The following GPR183 variants were observed in gnomAD, a reference collection of about 807,000 sequenced individuals.
GPR183 encodes the protein G protein-coupled receptor 183.
Under a neutral mutation model 19.7 loss-of-function variants are expected in GPR183, and 9 were observed. That is an observed-to-expected ratio of 0.46 (90% CI 0.28 to 0.80). GPR183 has a LOEUF of 0.80. Ranked by LOEUF, GPR183 falls within the 30% of genes least tolerant of loss-of-function variation. GPR183 has a pLI of 0.13. For missense variants in GPR183, 368 were observed against 446.7 expected, an observed-to-expected ratio of 0.82 and a Z score of 1.59; for synonymous variants, 160 against 155.1, an observed-to-expected ratio of 1.03 and a Z score of -0.24.
chr13:99,296,096 T>G lies in GPR183; in HGVS notation c.50A>C (p.Gln17Pro). Reference sequence around the variant, plus strand: ...TGCATAGAGGTCACAGTCATTTCCCTGAGGAGTTGCAGAGGGCGGAGTAAA... The same window carrying G: ...TGCATAGAGGTCACAGTCATTTCCCGGAGGAGTTGCAGAGGGCGGAGTAAA... ...NNFTPPSATP[Q>P]GNDCDLYAHH... Residue 17 changes from glutamine to proline, a missense_variant, in exon 2 of 2, where the codon CAG becomes CCG. By Grantham distance (76) the Gln-to-Pro change is moderately conservative (BLOSUM62 -1). Transcript: ENST00000376414. 2 of 1,612,516 alleles carry G rather than the reference T, an allele frequency of 1.2e-6. No individual in the cohort carries two copies. The highest frequency in any genetic ancestry group is 1.7e-6 in the Non-Finnish European group (2 of 1,179,010).
chr13:99,301,586 AT>A (rs997171573), intron 1 of GPR183, among the ~76,000 whole-genome samples: 1 of 152,046 alleles, frequency 6.6e-6, no homozygotes, highest in African/African-American at 2.4e-5. Flanking sequence ...TTATCATCTC[AT>A]TTTTGCATAA....
intron 1 of GPR183, among the ~76,000 whole-genome samples, chr13:99,302,793 T>C (rs1027429962): frequency 2.0e-5 from 3 of 152,192 alleles, no homozygotes; most frequent in Admixed American, 1.3e-4. Context: ...TCCATTCTAT[T>C]AATAATACGC....
chr13:99,297,192 C>G (rs1030947893), intron 1 of GPR183, among the ~76,000 whole-genome samples: 15 of 152,028 alleles, frequency 9.9e-5, no homozygotes, highest in African/African-American at 2.7e-4. Context: ...TGGAAAACTC[C>G]TACAATAAAG....
At chr13:99,305,859 A>G (rs1485070183) in intron 1 of GPR183, among the ~76,000 whole-genome samples, 1 of 152,112 alleles carries the variant, frequency 6.6e-6, no homozygotes, top group Non-Finnish European at 1.5e-5. Flanking sequence ...GCACAGTTAG[A>G]TGTGTGATCA....
intron 1 of GPR183, among the ~76,000 whole-genome samples, chr13:99,304,539 G>C (rs2044303496): frequency 6.6e-6 from 1 of 152,170 alleles, no homozygotes; most frequent in African/African-American, 2.4e-5. Context: ...ATTAGTTAAA[G>C]AATAGCAACA....
chr13:99,301,287 G>A (rs865828315), intron 1 of GPR183, among the ~76,000 whole-genome samples: 2 of 152,280 alleles, frequency 1.3e-5, no homozygotes, highest in South Asian at 2.1e-4. Context: ...GGGCCCTGTC[G>A]GCCTTCAAGG....
In GPR183 at chr13:99,295,927, C is replaced by G; in HGVS notation, c.219G>C (p.Leu73Phe). The G allele has an allele frequency of 6.2e-7, 1 of 1,613,808 alleles. No individual in the cohort carries two copies. Among genetic ancestry groups the G allele is most frequent in the Non-Finnish European group, 8.5e-7 (1 of 1,179,844 alleles). ...TGGTAAAAAGTATATCAGAAATCAC[C>G]AAATTTGTTGAATAGAGGGTGGTAG... The part of the protein sequence containing the change: ...INSTTLYSTN[L>F]VISDILFTTA... The change falls in exon 2 of 2, where the codon TTG becomes TTC. Residue 73 changes from leucine (L) to phenylalanine (F), a missense_variant. By Grantham distance (22) the Leu-to-Phe change is conservative. Coordinates refer to ENST00000376414, the MANE Select transcript of GPR183 (RefSeq NM_004951.5). The surrounding 1 kb of genome is among the most constrained non-coding windows in gnomAD (Gnocchi z 4.1).
chr13:99,300,510 C>T (rs2138729786), intron 1 of GPR183, among the ~76,000 whole-genome samples: 2 of 152,314 alleles, frequency 1.3e-5, no homozygotes, highest in South Asian at 4.1e-4. Context: ...CTATCCCATT[C>T]TTATATCAGC....
Position 99,295,116 on chromosome 13 carries a change from G to T in GPR183, c.1030C>A (p.Arg344Ser). 6.2e-7 allele frequency: 1 copy of T among 1,614,000 alleles called. No individual in the cohort carries two copies. Among genetic ancestry groups the T allele is most frequent in the Non-Finnish European group, 8.5e-7 (1 of 1,179,952 alleles). ...AVKSAPEENS[R>S]EMTETQMMIH... ...ATCATCTGCGTTTCTGTCATTTCAC[G>T]TGAATTTTCTTCAGGGGCTGACTTC... is the stretch of plus-strand genomic sequence containing the variant. The change falls in exon 2 of 2, where the codon CGT becomes AGT. Residue 344 changes from arginine (R) to serine (S), a missense_variant. Physicochemically the swap from Arg to Ser is moderately radical, Grantham distance 110. Coordinates refer to ENST00000376414, the MANE Select transcript of GPR183 (RefSeq NM_004951.5). This position sits in a 1 kb window ranked among gnomAD's most constrained non-coding sequence, Gnocchi z 4.1.
At chr13:99,305,136 T>C (rs2044313537) in intron 1 of GPR183, among the ~76,000 whole-genome samples, 2 of 152,250 alleles carry the variant, frequency 1.3e-5, no homozygotes, top group African/African-American at 4.8e-5. Context: ...AAAAAGATGG[T>C]GAATATCTAG....
rs58739511 is a variant in GPR183, at chr13:99,301,300, C to G, written c.-18-5137G>C. Among the ~76,000 whole-genome samples, 716 of 152,312 alleles carry G rather than the reference C, an allele frequency of 4.7e-3. 6 individuals carry two copies. The highest frequency in any genetic ancestry group is 0.016 in the African/African-American group (674 of 41,564). On this transcript the variant is annotated intron_variant, in intron 1 of 1. Coordinates refer to ENST00000376414, the MANE Select transcript of GPR183 (RefSeq NM_004951.5). ...CAGGGCCCTGTCGGCCTTCAAGGCT[C>G]CTGTACCTTCTGCTGGGAGCCACCC... is the stretch of plus-strand genomic sequence containing the variant.
intron 1 of GPR183, among the ~76,000 whole-genome samples, chr13:99,306,572 G>T (rs1041602081): frequency 6.6e-6 from 1 of 152,016 alleles, no homozygotes; most frequent in Admixed American, 6.6e-5. Flanking sequence ...CCCTTTAAAG[G>T]AAGTCTCTTC....
rs1253168550 is a variant in GPR183 at position 99,295,765 on chromosome 13, A to G, written c.381T>C (p.Ile127=). ...AGVNFMTCLS[I]DRFIAVVHPL... is the part of the protein sequence containing the mutation. ...GGTGCACCACAGCAATGAAGCGGTC[A>G]ATACTCAGGCAGGTCATAAAGTTCA... The change falls in exon 2 of 2, where the codon ATT becomes ATC. Residue 127 remains isoleucine (I), a synonymous_variant. Coordinates refer to ENST00000376414, the MANE Select transcript of GPR183 (RefSeq NM_004951.5). The surrounding 1 kb of genome is among the most constrained non-coding windows in gnomAD (Gnocchi z 4.1). 6 of 1,614,028 alleles carry G rather than the reference A, an allele frequency of 3.7e-6. No individual in the cohort carries two copies. The highest frequency in any genetic ancestry group is 5.1e-6 in the Non-Finnish European group (6 of 1,179,998).
intron 1 of GPR183, among the ~76,000 whole-genome samples, chr13:99,299,664 C>A (rs1385563847): frequency 2.0e-5 from 3 of 151,890 alleles, no homozygotes; most frequent in Non-Finnish European, 2.9e-5. Context: ...CTTGTAAAAA[C>A]CTTGTTATCT....
intron 1 of GPR183, among the ~76,000 whole-genome samples, chr13:99,297,163 T>C (rs1282980980): frequency 6.6e-6 from 1 of 152,198 alleles, no homozygotes; most frequent in Non-Finnish European, 1.5e-5. Flanking sequence ...GCAGAAATTT[T>C]AAGTACTAAA....
intron 1 of GPR183, among the ~76,000 whole-genome samples, chr13:99,300,885 T>C (rs886846582): frequency 5.1e-4 from 77 of 152,342 alleles, no homozygotes; most frequent in African/African-American, 1.8e-3. Context: ...TATAGTTATC[T>C]TTTAATTATT....
intron 1 of GPR183, among the ~76,000 whole-genome samples, chr13:99,304,842 C>G (rs906918106): frequency 6.6e-6 from 1 of 152,164 alleles, no homozygotes; most frequent in Non-Finnish European, 1.5e-5. Context: ...CATTTTATCT[C>G]CTATTTCCGA....
chr13:99,305,413 G>A (rs533920561), intron 1 of GPR183, among the ~76,000 whole-genome samples: 5 of 152,268 alleles, frequency 3.3e-5, no homozygotes, highest in African/African-American at 1.2e-4. Context: ...AACTCCAGCA[G>A]GTCTTAACCA....
intron 1 of GPR183, among the ~76,000 whole-genome samples, chr13:99,299,460 A>G (rs1363735705): frequency 6.8e-6 from 1 of 146,622 alleles, no homozygotes; most frequent in Non-Finnish European, 1.5e-5. Flanking sequence ...ACACACACAC[A>G]CGCACACACA....
Sources: allele counts gnomAD v4.1 joint callset (sites outside exome capture counted in the v4.1 genomes callset), GRCh38; gene constraint gnomAD v4.1.1; non-coding constraint Gnocchi (gnomAD v3.1); transcripts MANE v1.5; gene names NCBI Gene and HGNC (gene_info 2026-07-23, HGNC 2026-07-21).